Variants in LRRC4C observed in about 807,000 individuals in gnomAD.
LRRC4C encodes leucine rich repeat containing 4C.
Under a neutral mutation model 33.6 loss-of-function variants are expected in LRRC4C, and 5 were observed. The ratio of observed to expected loss-of-function variants is 0.15; its 90% CI spans 0.08 to 0.31. LRRC4C has a LOEUF of 0.31. LRRC4C is among the 10% of genes least tolerant of loss of function. The pLI, the probability that LRRC4C is intolerant of heterozygous loss-of-function variation, is 1.00. For missense variants in LRRC4C, 560 were observed against 796.7 expected (o/e 0.70, Z 3.58); for synonymous variants, 329 against 302.0 (o/e 1.09, Z -0.93).
intron 3 of LRRC4C, among the ~76,000 whole-genome samples, chr11:40,594,401 TAATATCTGC>T (rs1170116289): frequency 1.3e-5 from 2 of 152,224 alleles, no homozygotes; most frequent in African/African-American, 4.8e-5. Flanking sequence ...AGGGCATGTC[TAATATCTGC>T]CAAGCTTTCA....
At chr11:40,898,932 T>C (rs1956089462) in intron 2 of LRRC4C, among the ~76,000 whole-genome samples, 1 of 152,114 alleles carries the variant, frequency 6.6e-6, no homozygotes, top group Non-Finnish European at 1.5e-5. Flanking sequence ...AACTAGCTCA[T>C]CCTATTTCCT....
At chr11:40,996,115 A>T (rs1853952569) in intron 1 of LRRC4C, among the ~76,000 whole-genome samples, 1 of 152,180 alleles carries the variant, frequency 6.6e-6, no homozygotes, top group Admixed American at 6.6e-5. Flanking sequence ...AATACAGGCA[A>T]TGCTGTTGTT....
intron 1 of LRRC4C, among the ~76,000 whole-genome samples, chr11:41,024,200 G>A (rs1856185181): frequency 1.3e-5 from 2 of 151,550 alleles, no homozygotes; most frequent in South Asian, 4.1e-4. Context: ...AAGATATAAT[G>A]TAATATTAGC....
intron 3 of LRRC4C, among the ~76,000 whole-genome samples, chr11:40,553,220 T>C (rs905316732): frequency 6.6e-6 from 1 of 152,034 alleles, no homozygotes; most frequent in African/African-American, 2.4e-5. Context: ...GGCAGTGAGC[T>C]GATATCGCGC....
At chr11:40,650,239 G>T (rs1942709479) in intron 2 of LRRC4C, among the ~76,000 whole-genome samples, 1 of 152,176 alleles carries the variant, frequency 6.6e-6, no homozygotes, top group South Asian at 2.1e-4. Context: ...GTAGACCAAA[G>T]CAAAATGGAG....
chr11:40,313,904 C>T (rs1407134579), intron 4 of LRRC4C, among the ~76,000 whole-genome samples: 2 of 151,928 alleles, frequency 1.3e-5, no homozygotes, highest in South Asian at 2.1e-4. Flanking sequence ...TGAGCCGCCG[C>T]GCCCGGCCCG....
At chr11:40,682,963 G>T (rs1944770958) in intron 2 of LRRC4C, among the ~76,000 whole-genome samples, 1 of 152,022 alleles carries the variant, frequency 6.6e-6, no homozygotes. Flanking sequence ...GAAGAGAGAG[G>T]TATGTTTATG....
intron 3 of LRRC4C, among the ~76,000 whole-genome samples, chr11:40,506,813 A>G (rs1286548590): frequency 3.3e-5 from 5 of 152,118 alleles, no homozygotes; most frequent in African/African-American, 7.2e-5. Context: ...ATAAGGTCCC[A>G]AAATAGAAAC....
intron 1 of LRRC4C, among the ~76,000 whole-genome samples, chr11:41,418,605 G>C (rs1954770722): frequency 6.8e-6 from 1 of 147,618 alleles, no homozygotes; most frequent in Non-Finnish European, 1.5e-5. Context: ...TCGCCAGCTA[G>C]GGGGGTTGGT....
intron 2 of LRRC4C, among the ~76,000 whole-genome samples, chr11:40,902,501 T>A (rs1219690411): frequency 6.6e-6 from 1 of 152,046 alleles, no homozygotes; most frequent in African/African-American, 2.4e-5. Flanking sequence ...TACATTCAAT[T>A]TAAATCAAAG....
intron 1 of LRRC4C, among the ~76,000 whole-genome samples, chr11:41,021,802 C>T (rs1253172980): frequency 1.3e-5 from 2 of 152,008 alleles, no homozygotes; most frequent in Non-Finnish European, 2.9e-5. Context: ...CCCCTCCCCA[C>T]ACCCCTCTAT....
intron 1 of LRRC4C, among the ~76,000 whole-genome samples, chr11:41,275,930 C>T (rs1482874543): frequency 6.6e-6 from 1 of 152,118 alleles, no homozygotes; most frequent in Non-Finnish European, 1.5e-5. Flanking sequence ...TATAAACTCA[C>T]ATGCTGAATT....
At chr11:40,474,416 T>G (rs1373301191) in intron 3 of LRRC4C, among the ~76,000 whole-genome samples, 1 of 152,080 alleles carries the variant, frequency 6.6e-6, no homozygotes, top group Non-Finnish European at 1.5e-5. Flanking sequence ...CCCCACATCT[T>G]ATAAAAAAAA....
intron 1 of LRRC4C, among the ~76,000 whole-genome samples, chr11:41,185,883 A>G (rs1383852754): frequency 1.3e-5 from 2 of 152,110 alleles, no homozygotes; most frequent in Non-Finnish European, 2.9e-5. Flanking sequence ...AAAAAAAGAA[A>G]AAAAGATGTA....
chr11:41,154,046 C>T (rs761675995), intron 1 of LRRC4C, among the ~76,000 whole-genome samples: 7 of 152,154 alleles, frequency 4.6e-5, no homozygotes, highest in East Asian at 1.9e-4. Flanking sequence ...GAGCTTGAAA[C>T]GGTGTAGCCC....
chr11:40,967,862 A>T (rs1180368231), intron 1 of LRRC4C, among the ~76,000 whole-genome samples: 2 of 151,754 alleles, frequency 1.3e-5, no homozygotes, highest in Non-Finnish European at 2.9e-5. Flanking sequence ...TGAAATAAGT[A>T]TTGCCTAATT....
At chr11:40,421,863 AATG>A (rs1272442029) in intron 3 of LRRC4C, among the ~76,000 whole-genome samples, 3 of 152,238 alleles carry the variant, frequency 2.0e-5, no homozygotes, top group Non-Finnish European at 4.4e-5. Context: ...GACCAAAAAT[AATG>A]ATAATTGTCA....
intron 2 of LRRC4C, among the ~76,000 whole-genome samples, chr11:40,657,016 G>A (rs1943155731): frequency 6.6e-6 from 1 of 152,050 alleles, no homozygotes; most frequent in East Asian, 1.9e-4. Context: ...CATTTAACAG[G>A]CTCTATTTGG....
At chr11:41,255,521 C>T (rs545149065) in intron 1 of LRRC4C, among the ~76,000 whole-genome samples, 23 of 152,048 alleles carry the variant, frequency 1.5e-4, no homozygotes, top group African/African-American at 5.1e-4. Context: ...ATCCATTGAC[C>T]TTTTAATCCC....
Sources: gnomAD v4.1 joint callset for allele counts (sites outside exome capture counted in the v4.1 genomes callset) on GRCh38, gnomAD v4.1.1 for gene constraint, MANE v1.5 for transcripts, NCBI Gene and HGNC (gene_info 2026-07-23, HGNC 2026-07-21) for gene names.